The following NAV2 variants were observed in gnomAD, a reference collection of about 807,000 sequenced individuals.
NAV2 encodes the protein helicase, APC down-regulated 1.
In NAV2, 54 loss-of-function variants were observed where a neutral mutation model predicts 223.2. The ratio of observed to expected loss-of-function variants is 0.24; its 90% CI spans 0.19 to 0.30. NAV2 has a LOEUF of 0.30. Ranked by LOEUF, NAV2 falls within the 10% of genes least tolerant of loss-of-function variation. The pLI is 1.00. For missense variants in NAV2, 2,806 were observed against 3,147.5 expected, an observed-to-expected ratio of 0.89 and a Z score of 2.60; for synonymous variants, 1,279 against 1,239.3, an observed-to-expected ratio of 1.03 and a Z score of -0.67.
At chr11:20,067,796 C>A (rs1205928733) in intron 20 of NAV2, among the ~76,000 whole-genome samples, 2 of 151,830 alleles carry the variant, frequency 1.3e-5, no homozygotes, top group Non-Finnish European at 2.9e-5. Flanking sequence ...AGTCCTAGAC[C>A]TTTTTGTTTT....
Position 20,044,260 on chromosome 11 carries a change from A to G in NAV2, c.3187A>G (p.Thr1063Ala). The change falls in exon 13 of 38, where the codon ACC becomes GCC. Residue 1063 changes from threonine to alanine, a missense_variant. Physicochemically the swap from Thr to Ala is moderately conservative, Grantham distance 58. Transcript: ENST00000349880. ...KPSAPAGALKTPGTGKTDDAK... is the reference protein window; with the variant it reads ...KPSAPAGALKAPGTGKTDDAK... ...TTCAGCCCCGGCAGGCGCACTGAAG[A>G]CCCCAGGAACTGGTAAGAGGCCGGG... 2 of 1,607,210 alleles carry G rather than the reference A, an allele frequency of 1.2e-6. No individual in the cohort carries two copies. Among genetic ancestry groups the G allele is most frequent in the Non-Finnish European group, 1.7e-6 (2 of 1,174,528 alleles).
At chr11:19,766,400 T>G (rs1298012487) in intron 1 of NAV2, among the ~76,000 whole-genome samples, 1 of 152,076 alleles carries the variant, frequency 6.6e-6, no homozygotes. Context: ...CAGGCTTTGA[T>G]GTGAGGGGAA....
intron 6 of NAV2, among the ~76,000 whole-genome samples, chr11:19,929,671 T>G (rs999143204): frequency 6.6e-6 from 1 of 152,246 alleles, no homozygotes; most frequent in Non-Finnish European, 1.5e-5. Context: ...GAGTTTAGGC[T>G]TAAGAGTTTT....
intron 1 of NAV2, among the ~76,000 whole-genome samples, chr11:19,392,828 A>G (rs1849301555): frequency 6.6e-6 from 1 of 152,218 alleles, no homozygotes; most frequent in South Asian, 2.1e-4. Flanking sequence ...ATCCAGGCAT[A>G]GTGCTGGGCA....
chr11:19,618,393 G>GATGGATGGATGGATGGATGGATGGATGA (rs796800924), intron 1 of NAV2, among the ~76,000 whole-genome samples: 1 of 19,714 alleles, frequency 5.1e-5, no homozygotes, highest in South Asian at 2.3e-3. Flanking sequence ...TGGATGGATG[G>GATGGATGGATGGATGGATGGATGGATGA]ATGAATAGAT....
chr11:20,107,665 C>T lies in NAV2; in HGVS notation c.6843C>T (p.Gly2281=). The part of the protein sequence containing the change: ...EAHSSSDVTI[G]PRLFLSCPID... ...ATGTATTTTCACTGTGGTCTCCAGGCCCCCGGCTCTTCCTGTCATGCCCCA... is the reference window on the plus strand; with the variant it reads ...ATGTATTTTCACTGTGGTCTCCAGGTCCCCGGCTCTTCCTGTCATGCCCCA... The change falls in exon 36 of 38, where the codon GGC becomes GGT. Residue 2281 remains glycine (G), a splice_region_variant and synonymous_variant. Transcript: ENST00000349880. The T allele has an allele frequency of 6.2e-7, 1 of 1,612,048 alleles. No individual in the cohort carries two copies. Among genetic ancestry groups the T allele is most frequent in the Non-Finnish European group, 8.5e-7 (1 of 1,178,198 alleles).
chr11:20,078,226 A>G, intron 24 of NAV2, 122 bp downstream of exon 24: 4 of 727,520 alleles, frequency 5.5e-6, no homozygotes, highest in South Asian at 4.9e-5. Flanking sequence ...GCTCCATGTC[A>G]GGCAAGCAGG....
intron 1 of NAV2, among the ~76,000 whole-genome samples, chr11:19,651,693 T>C (rs1044119175): frequency 6.6e-6 from 1 of 152,230 alleles, no homozygotes; most frequent in Admixed American, 6.5e-5. Flanking sequence ...CTTAGCACCA[T>C]GTGGCATGAG....
chr11:19,443,416 C>G lies in NAV2; in HGVS notation c.75+92389C>G, dbSNP rs369228344. Among the ~76,000 whole-genome samples the G allele has an allele frequency of 3.9e-5, 6 of 152,300 alleles. No homozygotes were observed. The East Asian group carries it at 9.6e-4, about 24-fold the overall frequency. ...CTTGAAAGAGATGGGCAGTGCATCCCCACTCTCTCTCCCTGCCATGGACCA... is the reference window on the plus strand; with the variant it reads ...CTTGAAAGAGATGGGCAGTGCATCCGCACTCTCTCTCCCTGCCATGGACCA... On this transcript the variant is annotated intron_variant, in intron 1 of 37. Coordinates refer to the NAV2 transcript ENST00000360655.
At chr11:19,525,134 T>G (rs1437790116) in intron 1 of NAV2, among the ~76,000 whole-genome samples, 2 of 152,160 alleles carry the variant, frequency 1.3e-5, no homozygotes, top group African/African-American at 4.8e-5. Flanking sequence ...CATAGCAGAT[T>G]TCACAGAACT....
chr11:19,347,435 G>C (rs1267898246), upstream of NAV2, among the ~76,000 whole-genome samples: 1 of 152,184 alleles, frequency 6.6e-6, no homozygotes, highest in Non-Finnish European at 1.5e-5. Context: ...CCACCCCCGG[G>C]GTGGTTGCCC....
chr11:19,841,398 T>G (rs191542101), intron 2 of NAV2, among the ~76,000 whole-genome samples: 62 of 152,338 alleles, frequency 4.1e-4, no homozygotes, highest in African/African-American at 1.4e-3. Flanking sequence ...CTATTATCTT[T>G]TTCAGACAGT....
chr11:19,571,258 T>A (rs1194442231), intron 1 of NAV2, among the ~76,000 whole-genome samples: 1 of 152,088 alleles, frequency 6.6e-6, no homozygotes, highest in African/African-American at 2.4e-5. Context: ...CAAAAGTAGG[T>A]TAGTTGTTGC....
At chr11:20,036,622 A>G (rs2056399908) in intron 12 of NAV2, among the ~76,000 whole-genome samples, 2 of 152,200 alleles carry the variant, frequency 1.3e-5, no homozygotes, top group South Asian at 4.1e-4. Flanking sequence ...TTTGGCCCAC[A>G]GTGTTACCCT....
intron 10 of NAV2, among the ~76,000 whole-genome samples, chr11:19,956,947 C>A (rs1416946251): frequency 3.9e-5 from 6 of 152,122 alleles, no homozygotes; most frequent in African/African-American, 1.4e-4. Flanking sequence ...GTAGCATAAG[C>A]CCAGGTATGT....
intron 6 of NAV2, among the ~76,000 whole-genome samples, chr11:19,897,333 G>A (rs990404991): frequency 4.6e-5 from 7 of 151,970 alleles, no homozygotes; most frequent in Admixed American, 1.3e-4. Flanking sequence ...GTATACATAT[G>A]TAACTAACCT....
At chr11:19,675,026 T>TC (rs1213743911) in intron 1 of NAV2, among the ~76,000 whole-genome samples, 7 of 151,920 alleles carry the variant, frequency 4.6e-5, no homozygotes, top group Non-Finnish European at 1.5e-5. Flanking sequence ...TTCTAATCCG[T>TC]CCCCCTCAGG....
At chr11:19,782,381 C>G (rs1017045666) in intron 1 of NAV2, among the ~76,000 whole-genome samples, 4 of 152,194 alleles carry the variant, frequency 2.6e-5, no homozygotes, top group African/African-American at 4.8e-5. Context: ...GTGACTTCCT[C>G]TTAATGACAT....
intron 1 of NAV2, among the ~76,000 whole-genome samples, chr11:19,755,330 T>A (rs1453462113): frequency 2.0e-5 from 3 of 152,194 alleles, no homozygotes; most frequent in African/African-American, 7.2e-5. Context: ...GTCATTCTAT[T>A]TTTTTAAAAT....
Sources: gnomAD v4.1 joint callset for allele counts (sites outside exome capture counted in the v4.1 genomes callset) on GRCh38, gnomAD v4.1.1 for gene constraint, MANE v1.5 for transcripts, NCBI Gene and HGNC (gene_info 2026-07-23, HGNC 2026-07-21) for gene names.